The following RADIL variants were observed in gnomAD, a reference collection of about 807,000 sequenced individuals.
The protein encoded by RADIL is Rap associating with DIL domain, also known as ras-associating and dilute domain-containing protein.
In RADIL, 99 loss-of-function variants were observed where a neutral mutation model predicts 97.6. The observed-to-expected ratio is 1.01, with a 90% CI of 0.86 to 1.20. RADIL has a LOEUF of 1.20. Ranked by LOEUF, RADIL falls within the 50% of genes most tolerant of loss-of-function variation. The pLI, the probability that RADIL is intolerant of heterozygous loss-of-function variation, is 0.00. For synonymous variants in RADIL, 803 were observed against 691.8 expected (o/e 1.16, Z -2.52); for missense variants, 1,765 against 1,498.9 (o/e 1.18, Z -2.93).
At chr7:4,869,108 C>T (rs1422405257) in intron 2 of RADIL, among the ~76,000 whole-genome samples, 1 of 152,116 alleles carries the variant, frequency 6.6e-6, no homozygotes, top group Non-Finnish European at 1.5e-5. Flanking sequence ...GCCTGAGTGA[C>T]AGAGCAAGAC....
Position 4,814,469 on chromosome 7 carries a change from G to A in RADIL, c.2139+809C>T, listed in dbSNP as rs1047887839. On this transcript the variant is annotated intron_variant, in intron 9 of 14. Coordinates refer to ENST00000399583, the MANE Select transcript of RADIL (RefSeq NM_018059.5). The surrounding 1 kb of genome is among the most constrained non-coding windows in gnomAD (Gnocchi z 4.5). Reference sequence around the variant, plus strand: ...ACCATCACAGTACAGCATGTTCAGCGTTTTCCAGGCAGGAGAGGAAACCAT... The same window carrying A: ...ACCATCACAGTACAGCATGTTCAGCATTTTCCAGGCAGGAGAGGAAACCAT... Among the ~76,000 whole-genome samples the A allele has an allele frequency of 2.0e-5, 3 of 151,774 alleles. No individual in the cohort carries two copies. Among genetic ancestry groups the A allele is most frequent in the Non-Finnish European group, 2.9e-5 (2 of 68,002 alleles).
intron 6 of RADIL, among the ~76,000 whole-genome samples, chr7:4,820,638 G>C (rs1042873500): frequency 1.3e-5 from 2 of 152,214 alleles, no homozygotes; most frequent in Non-Finnish European, 2.9e-5. Flanking sequence ...GAAACAGTGG[G>C]AAGGAACCGT....
In RADIL at chr7:4,804,584, C is replaced by T. The variant is rs566652320; in HGVS notation, c.2291-830G>A. ...GGCAGATCGCCTGAGGTCAGGAATTCGAGAGCAGCCTGGCCAACATGGTGA... is the reference window on the plus strand; with the variant it reads ...GGCAGATCGCCTGAGGTCAGGAATTTGAGAGCAGCCTGGCCAACATGGTGA... On this transcript the variant is annotated intron_variant, in intron 10 of 14. Coordinates refer to ENST00000399583, the MANE Select transcript of RADIL (RefSeq NM_018059.5). 2.6e-5 allele frequency among the ~76,000 whole-genome samples: 4 copies of T among 152,042 alleles called. No individual in the cohort carries two copies. The South Asian group carries it at 8.3e-4, about 32-fold the overall frequency.
Position 4,834,787 on chromosome 7 carries a change from G to A in RADIL, c.1236C>T (p.His412=), listed in dbSNP as rs1159696062. ...TCCTCTGCAGCAGCGTGTCCTCCAGGTGGGGCTCAAACTCCAGGAGCAGCT... is the reference window on the plus strand; with the variant it reads ...TCCTCTGCAGCAGCGTGTCCTCCAGATGGGGCTCAAACTCCAGGAGCAGCT... ...RQQLLLEFEP[H]LEDTLLQRIM... is the part of the protein sequence containing the mutation. Residue 412 remains histidine (H), a synonymous_variant, in exon 4 of 15, where the codon CAC becomes CAT. Transcript: ENST00000399583. The surrounding 1 kb of genome is among the most constrained non-coding windows in gnomAD (Gnocchi z 6.0). 4.4e-6 allele frequency: 6 copies of A among 1,365,748 alleles called. No individual in the cohort carries two copies. The highest frequency in any genetic ancestry group is 1.5e-5 in the African/African-American group (1 of 66,620). 84.6% of individuals were successfully genotyped at this position (1,365,748 alleles called of 1,614,324 possible). A position where few individuals can be genotyped will look rare whatever the true frequency, so the allele number is the denominator to read the frequency against.
In RADIL at chr7:4,799,334, G is replaced by T. The variant is rs772355446; in HGVS notation, c.*44C>A. ...GCGGGAGGAAGCCCAGTGTCACCAG[G>T]TGGGACCGGGTGCCGGGCCTGTGGG... On this transcript the variant is annotated 3_prime_UTR_variant, in exon 15 of 15. Coordinates refer to ENST00000399583, the MANE Select transcript of RADIL (RefSeq NM_018059.5). 35 of 1,590,378 alleles carry T rather than the reference G, an allele frequency of 2.2e-5. No homozygotes were observed. The South Asian group carries it at 3.2e-4, about 15-fold the overall frequency.
rs374767546 is a variant in RADIL at position 4,872,351 on chromosome 7, A to C, written c.535+5254T>G. Among the ~76,000 whole-genome samples the C allele has an allele frequency of 1.2e-4, 18 of 152,276 alleles. No homozygotes were observed. In the East Asian group the frequency reaches 1.9e-3, roughly 16 times the overall value. ...CTCAGCAAAGATGCCCCAACCTAAAATGTAACGGGAGGAAGGGAGAAAGCA... is the reference window on the plus strand; with the variant it reads ...CTCAGCAAAGATGCCCCAACCTAAACTGTAACGGGAGGAAGGGAGAAAGCA... On this transcript the variant is annotated intron_variant, in intron 2 of 14. Coordinates refer to ENST00000399583, the MANE Select transcript of RADIL (RefSeq NM_018059.5). The surrounding 1 kb of genome is among the most constrained non-coding windows in gnomAD (Gnocchi z 5.8).
chr7:4,825,190 T>G (rs1035594305), intron 5 of RADIL, among the ~76,000 whole-genome samples: 14 of 151,964 alleles, frequency 9.2e-5, no homozygotes, highest in African/African-American at 2.4e-4. Context: ...GGGGCAGTTC[T>G]AGAAGAGGGC....
At chr7:4,865,344 C>G (rs1784107367) in intron 2 of RADIL, 1 of 555,822 alleles carries the variant, frequency 1.8e-6, no homozygotes, top group African/African-American at 1.9e-5. Flanking sequence ...TGTATTTTTA[C>G]TGTTTCTTTT....
intron 13 of RADIL, 135 bp from the exon 14 acceptor site, chr7:4,799,904 C>T: frequency 7.5e-7 from 1 of 1,325,078 alleles, no homozygotes; most frequent in African/African-American, 1.5e-5. Context: ...TTTCACGCGT[C>T]CCTCCAGAAA....
At chr7:4,809,904 G>C (rs1471818709) in intron 9 of RADIL, among the ~76,000 whole-genome samples, 1 of 152,160 alleles carries the variant, frequency 6.6e-6, no homozygotes, top group Non-Finnish European at 1.5e-5. Flanking sequence ...CCAGGCTGGA[G>C]TGTGGTGGTG....
rs777206834 is a variant in RADIL, at chr7:4,799,630, C to G, written c.3122G>C (p.Arg1041Thr). Residue 1041 changes from arginine to threonine, a missense_variant and splice_region_variant, in exon 14 of 15, where the codon AGA (arginine) becomes ACA (threonine). Physicochemically the swap from Arg to Thr is moderately conservative, Grantham distance 71. Transcript: ENST00000399583. ...GSSLLGLGYL[R>T]AVDLIRHGGK... ...CCGGGCGTGCATGCGGTGGGGGTAC[C>G]TCAGGTAGCCAAGGCCCAGGAGGCT... 1.9e-6 allele frequency: 3 copies of G among 1,605,520 alleles called. No homozygotes were observed. In the South Asian group the frequency reaches 3.3e-5, roughly 18 times the overall value.
intron 2 of RADIL, chr7:4,859,153 T>C (rs1783908264): frequency 1.3e-5 from 2 of 152,416 alleles, no homozygotes; most frequent in South Asian, 4.1e-4. Context: ...TGTACTTTTA[T>C]GCTTTCTCTG....
In RADIL at chr7:4,813,563, C is replaced by T. The variant is rs78990804; in HGVS notation, c.2139+1715G>A. On this transcript the variant is annotated intron_variant, in intron 9 of 14. Coordinates refer to ENST00000399583, the MANE Select transcript of RADIL (RefSeq NM_018059.5). This position sits in a 1 kb window ranked among gnomAD's most constrained non-coding sequence, Gnocchi z 5.0. ...TGTGCTGTTCCAGTTTCTGTTTCCCCACCAGTGGCCCCTGCCTGGACAAAG... is the reference window on the plus strand; with the variant it reads ...TGTGCTGTTCCAGTTTCTGTTTCCCTACCAGTGGCCCCTGCCTGGACAAAG... 2.0e-5 allele frequency among the ~76,000 whole-genome samples: 3 copies of T among 152,226 alleles called. No homozygotes were observed. The highest frequency in any genetic ancestry group is 4.4e-5 in the Non-Finnish European group (3 of 68,050).
At chr7:4,810,619 C>T (rs113103618) in intron 9 of RADIL, among the ~76,000 whole-genome samples, 9 of 152,290 alleles carry the variant, frequency 5.9e-5, no homozygotes, top group African/African-American at 2.2e-4. Context: ...CATCCCTAAG[C>T]GGGCCGTGGC....
In RADIL at chr7:4,834,628, C is replaced by A; in HGVS notation, c.1395G>T (p.Arg465Ser). 1 of 1,348,980 alleles carries A rather than the reference C, an allele frequency of 7.4e-7. No homozygotes were observed. Among genetic ancestry groups the A allele is most frequent in the African/African-American group, 1.5e-5 (1 of 66,642 alleles). The allele number at this position is 1,348,980 out of a possible 1,614,324, so 83.6% of individuals were successfully genotyped here. The change falls in exon 4 of 15, where the codon AGG becomes AGT. Residue 465 changes from arginine (R) to serine (S), a missense_variant. Coordinates refer to ENST00000399583, the MANE Select transcript of RADIL (RefSeq NM_018059.5). The surrounding 1 kb of genome is among the most constrained non-coding windows in gnomAD (Gnocchi z 6.0). ...TFGQLLLKIA[R>S]LIRETVWEKT... ...TGACCCAGACAGTCTCGCGGATCAGCCTGGCTATCTTGAGCAGGAGCTGCC... is the reference window on the plus strand; with the variant it reads ...TGACCCAGACAGTCTCGCGGATCAGACTGGCTATCTTGAGCAGGAGCTGCC...
At chr7:4,869,537 C>CT (rs11355907) in intron 2 of RADIL, among the ~76,000 whole-genome samples, 334 of 146,334 alleles carry the variant, frequency 2.3e-3, no homozygotes, top group Admixed American at 6.2e-3. Flanking sequence ...ACCCAATTTC[C>CT]TTTTTTTTTT....
chr7:4,862,116 C>A, intron 2 of RADIL: 1 of 332,354 alleles, frequency 3.0e-6, no homozygotes, highest in Non-Finnish European at 5.4e-6. Context: ...GCTCCTACCG[C>A]TGCGCGGGGG....
Position 4,799,043 on chromosome 7 carries a change from C to G in RADIL, c.*335G>C. ...GGCAGGCAGAGGCCATGGGGAGCCC[C>G]TGCGGCCCCTCCGAGCAGCCCACGC... On this transcript the variant is annotated 3_prime_UTR_variant, in exon 15 of 15. Coordinates refer to ENST00000399583, the MANE Select transcript of RADIL (RefSeq NM_018059.5). 3.3e-6 allele frequency: 1 copy of G among 304,502 alleles called. No homozygotes were observed. The highest frequency in any genetic ancestry group is 4.6e-5 in the Admixed American group (1 of 21,844). The allele number at this position is 304,502 out of a possible 1,614,324, so 18.9% of individuals were successfully genotyped here.
chr7:4,805,688 A>T lies in RADIL; in HGVS notation c.2168T>A (p.Phe723Tyr). The T allele has an allele frequency of 6.2e-7, 1 of 1,611,252 alleles. No homozygotes were observed. The highest frequency in any genetic ancestry group is 8.5e-7 in the Non-Finnish European group (1 of 1,179,700). Residue 723 changes from phenylalanine to tyrosine, a missense_variant, in exon 10 of 15, where the codon TTC becomes TAC. By Grantham distance (22) the Phe-to-Tyr change is conservative (BLOSUM62 3). Coordinates refer to ENST00000399583, the MANE Select transcript of RADIL (RefSeq NM_018059.5). ...QMSWTALRAA[F>Y]PALSPAQLHR... Reference sequence around the variant, plus strand: ...CAGCTGTGCTGGGCTCAGTGCGGGGAACGCAGCCCGCAGGGCTGTCCAGCT... The same window carrying T: ...CAGCTGTGCTGGGCTCAGTGCGGGGTACGCAGCCCGCAGGGCTGTCCAGCT...
Sources: allele counts gnomAD v4.1 joint callset (sites outside exome capture counted in the v4.1 genomes callset), GRCh38; gene constraint gnomAD v4.1.1; non-coding constraint Gnocchi (gnomAD v3.1); transcripts MANE v1.5; gene names NCBI Gene and HGNC (gene_info 2026-07-23, HGNC 2026-07-21).